The following CAMSAP1 variants were observed in gnomAD, a reference collection of about 807,000 sequenced individuals.
The protein encoded by CAMSAP1 is calmodulin-regulated spectrin-associated protein 1.
In CAMSAP1, 58 loss-of-function variants were observed where a neutral mutation model predicts 143.5. The observed-to-expected ratio is 0.40, with a 90% CI of 0.33 to 0.50. The LOEUF (loss-of-function observed/expected upper bound fraction) is 0.50, where lower values mean the gene tolerates loss of function less well. CAMSAP1 is among the 20% of genes least tolerant of loss of function. The pLI, the probability that CAMSAP1 is intolerant of heterozygous loss-of-function variation, is 0.45. For missense variants in CAMSAP1, 1,969 were observed against 2,115.7 expected (o/e 0.93, Z 1.36); for synonymous variants, 945 against 859.3 (o/e 1.10, Z -1.74).
chr9:135,874,478 A>AAGGG (rs534724683), intron 3 of CAMSAP1, among the ~76,000 whole-genome samples: 2 of 98,248 alleles, frequency 2.0e-5, no homozygotes, highest in African/African-American at 8.5e-5. Context: ...GTCTCAAAAA[A>AAGGG]GGGGGGGGGG....
intron 3 of CAMSAP1, among the ~76,000 whole-genome samples, chr9:135,881,140 C>T (rs1177479272): frequency 6.6e-6 from 1 of 151,720 alleles, no homozygotes; most frequent in Non-Finnish European, 1.5e-5. Context: ...CCCAGGAGTT[C>T]GAGACCAGCC....
chr9:135,899,702 C>T (rs1322307973), intron 1 of CAMSAP1, among the ~76,000 whole-genome samples: 2 of 152,178 alleles, frequency 1.3e-5, no homozygotes, highest in Non-Finnish European at 2.9e-5. Context: ...GCCTTTCCCA[C>T]ACGGTGTGCA....
At chr9:135,865,322 G>T (rs2130940540) in intron 4 of CAMSAP1, 1 of 1,550,560 alleles carries the variant, frequency 6.4e-7, no homozygotes, top group East Asian at 2.4e-5. Context: ...GCGGCTTGGG[G>T]TTCACTTACA....
At chr9:135,840,612 C>T (rs1472769528) in intron 7 of CAMSAP1, among the ~76,000 whole-genome samples, 1 of 152,180 alleles carries the variant, frequency 6.6e-6, no homozygotes, top group African/African-American at 2.4e-5. Context: ...CAATCTGCAG[C>T]TCCCAGCAAG....
At chr9:135,830,297 A>C (rs1277111264) in intron 7 of CAMSAP1, among the ~76,000 whole-genome samples, 1 of 152,274 alleles carries the variant, frequency 6.6e-6, no homozygotes, top group African/African-American at 2.4e-5. Flanking sequence ...ACCAAGATTC[A>C]ACAGTATACT....
intron 4 of CAMSAP1, among the ~76,000 whole-genome samples, chr9:135,866,222 C>T (rs1476507003): frequency 2.0e-5 from 3 of 152,222 alleles, no homozygotes; most frequent in Non-Finnish European, 4.4e-5. Context: ...AATACCCTCA[C>T]GCACCATAAA....
chr9:135,814,982 C>G, intron 16 of CAMSAP1, 115 bp downstream of exon 16: 1 of 769,412 alleles, frequency 1.3e-6, no homozygotes. Flanking sequence ...AATCTGCATT[C>G]TCCCTAGTAA....
rs200023892 is a variant in CAMSAP1 at position 135,877,919 on chromosome 9, G to A, written c.585+3714C>T. On this transcript the variant is annotated intron_variant, in intron 3 of 16. Transcript: ENST00000389532. Reference sequence around the variant, plus strand: ...TTCATGGTGAAACTTCAGAGCACCCGGGAAGGAGGAAAACCTGAGTGAGGT... The same window carrying A: ...TTCATGGTGAAACTTCAGAGCACCCAGGAAGGAGGAAAACCTGAGTGAGGT... 2.6e-5 allele frequency among the ~76,000 whole-genome samples: 4 copies of A among 152,308 alleles called. No individual in the cohort carries two copies. In the East Asian group the frequency reaches 5.8e-4, roughly 22 times the overall value.
intron 3 of CAMSAP1, among the ~76,000 whole-genome samples, chr9:135,868,449 T>C (rs1051027619): frequency 4.7e-5 from 7 of 147,630 alleles, no homozygotes; most frequent in Non-Finnish European, 1.1e-4. Context: ...AAGTGTTTTT[T>C]GTTTTTTTTT....
At chr9:135,870,402 T>G (rs1837531027) in intron 3 of CAMSAP1, among the ~76,000 whole-genome samples, 1 of 152,174 alleles carries the variant, frequency 6.6e-6, no homozygotes, top group Admixed American at 6.5e-5. Flanking sequence ...TGGAACTGAG[T>G]CAATTAAACC....
chr9:135,882,698 C>T lies in CAMSAP1; in HGVS notation c.423+118G>A, dbSNP rs1837998538. 4.1e-6 allele frequency: 5 copies of T among 1,227,518 alleles called. No individual in the cohort carries two copies. Among genetic ancestry groups the T allele is most frequent in the African/African-American group, 1.5e-5 (1 of 65,830 alleles). 76.0% of individuals were successfully genotyped at this position (1,227,518 alleles called of 1,614,324 possible). On this transcript the variant is annotated intron_variant, in intron 2 of 16. Coordinates refer to ENST00000389532, the MANE Select transcript of CAMSAP1 (RefSeq NM_015447.4). The surrounding 1 kb of genome is among the most constrained non-coding windows in gnomAD (Gnocchi z 4.9). ...TAAGGAACGCCAGTGTGCAAAAGCA[C>T]GGGTCTCCACCACCTCGCCGCACAC...
At chr9:135,813,846 T>C (rs536694245) in intron 16 of CAMSAP1, among the ~76,000 whole-genome samples, 119 of 152,286 alleles carry the variant, frequency 7.8e-4, no homozygotes, top group African/African-American at 2.7e-3. Flanking sequence ...CAAGGAGAGC[T>C]CAGGGCATCC....
intron 2 of CAMSAP1, 40 bp from the exon 3 acceptor site, chr9:135,881,834 C>T (rs1459159710): frequency 7.8e-6 from 12 of 1,545,522 alleles, no homozygotes; most frequent in East Asian, 2.5e-5. Context: ...TCAAACCCAC[C>T]CCTCTTACCA....
intron 3 of CAMSAP1, among the ~76,000 whole-genome samples, chr9:135,867,903 G>C (rs530673974): frequency 6.6e-6 from 1 of 152,280 alleles, no homozygotes; most frequent in African/African-American, 2.4e-5. Flanking sequence ...ACCCCAAGAC[G>C]CCTCCCATCC....
At chr9:135,866,739 C>G (rs1837392153) in intron 3 of CAMSAP1, among the ~76,000 whole-genome samples, 1 of 152,174 alleles carries the variant, frequency 6.6e-6, no homozygotes, top group Non-Finnish European at 1.5e-5. Flanking sequence ...CACCAGGAAA[C>G]CACCTGCCCC....
At chr9:135,866,888 A>C (rs1165769727) in intron 3 of CAMSAP1, among the ~76,000 whole-genome samples, 3 of 152,190 alleles carry the variant, frequency 2.0e-5, no homozygotes, top group African/African-American at 7.2e-5. Flanking sequence ...TGCCACTTAC[A>C]AAACAATCTG....
At chr9:135,901,985 C>T (rs1838632575) in intron 1 of CAMSAP1, among the ~76,000 whole-genome samples, 1 of 152,204 alleles carries the variant, frequency 6.6e-6, no homozygotes, top group Non-Finnish European at 1.5e-5. Flanking sequence ...AGGGGCTAAC[C>T]ATTCAACAAG....
chr9:135,871,172 A>G (rs369930738), intron 3 of CAMSAP1, among the ~76,000 whole-genome samples: 1 of 152,182 alleles, frequency 6.6e-6, no homozygotes, highest in African/African-American at 2.4e-5. Flanking sequence ...AAATTGTAAA[A>G]TAACTGCCAT....
intron 1 of CAMSAP1, among the ~76,000 whole-genome samples, chr9:135,885,102 C>T (rs1189834902): frequency 6.6e-6 from 1 of 152,182 alleles, no homozygotes; most frequent in Non-Finnish European, 1.5e-5. Flanking sequence ...TTTCGGGGTA[C>T]CTGGCCTCTT....
Sources: gnomAD v4.1 joint callset for allele counts (sites outside exome capture counted in the v4.1 genomes callset) on GRCh38, gnomAD v4.1.1 for gene constraint, Gnocchi (gnomAD v3.1) non-coding constraint, MANE v1.5 for transcripts, NCBI Gene and HGNC (gene_info 2026-07-23, HGNC 2026-07-21) for gene names.